Variants in GOLM1 observed in about 807,000 individuals in gnomAD.
GOLM1 encodes the protein epididymis luminal protein 46.
A neutral mutation model predicts 50.5 loss-of-function variants in GOLM1; 31 were observed. The observed-to-expected ratio is 0.61, with a 90% CI of 0.46 to 0.83. The LOEUF (loss-of-function observed/expected upper bound fraction) is 0.83. Ranked by LOEUF, GOLM1 falls within the 40% of genes least tolerant of loss-of-function variation. The probability of loss-of-function intolerance (pLI) is 0.00; values close to 1 mark genes in which losing one functional copy is unlikely to be tolerated. For synonymous variants in GOLM1, 178 were observed against 192.8 expected (o/e 0.92, Z 0.64); for missense variants, 491 against 501.3 (o/e 0.98, Z 0.20).
Position 86,036,503 on chromosome 9 carries a change from T to C in GOLM1, c.602A>G (p.Gln201Arg). The C allele has an allele frequency of 1.2e-6, 2 of 1,613,778 alleles. No homozygotes were observed. The highest frequency in any genetic ancestry group is 2.7e-5 in the African/African-American group (2 of 74,986). ...CCTGGGCTGAGGCTCACTGAGGGCTTGGAGCTGAAACAGAAGCACAGGACA... is the reference window on the plus strand; with the variant it reads ...CCTGGGCTGAGGCTCACTGAGGGCTCGGAGCTGAAACAGAAGCACAGGACA... Reference protein sequence around the residue: ...SENNDQRQQLQALSEPQPRLQ... With the variant: ...SENNDQRQQLRALSEPQPRLQ... The change falls in exon 7 of 10, where the codon CAA (glutamine) becomes CGA (arginine). Residue 201 changes from glutamine (Q) to arginine (R), a missense_variant. Gln to Arg is a conservative substitution (Grantham distance 43). Coordinates refer to ENST00000388712, the MANE Select transcript of GOLM1 (RefSeq NM_016548.4).
chr9:86,073,917 T>C (rs1482805822), intron 3 of GOLM1, among the ~76,000 whole-genome samples: 2 of 152,240 alleles, frequency 1.3e-5, no homozygotes, highest in African/African-American at 4.8e-5. Flanking sequence ...AGACAGGGCC[T>C]ACCCAAAGCA....
intron 3 of GOLM1, among the ~76,000 whole-genome samples, chr9:86,070,567 C>A (rs1335285553): frequency 3.3e-5 from 5 of 149,992 alleles, no homozygotes; most frequent in African/African-American, 1.2e-4. Context: ...CGAGACTCCA[C>A]CTCAAAAAAA....
At chr9:86,095,556 C>T (rs1443877447) in intron 1 of GOLM1, among the ~76,000 whole-genome samples, 1 of 152,104 alleles carries the variant, frequency 6.6e-6, no homozygotes, top group Non-Finnish European at 1.5e-5. Context: ...CCAGTTTTTA[C>T]ATTTTCAATG....
chr9:86,069,966 C>T (rs1273298447), intron 3 of GOLM1, among the ~76,000 whole-genome samples: 2 of 152,072 alleles, frequency 1.3e-5, no homozygotes, highest in Non-Finnish European at 2.9e-5. Flanking sequence ...TCACTGCAAC[C>T]TCCGCCTCCC....
chr9:86,100,071 C>T (rs1040754760), upstream of GOLM1: 1 of 152,264 alleles, frequency 6.6e-6, no homozygotes, highest in Admixed American at 6.5e-5. Context: ...TGACCATCAT[C>T]TCGCCTCGGT....
At chr9:86,065,539 G>A (rs2118803529) in intron 3 of GOLM1, among the ~76,000 whole-genome samples, 1 of 152,248 alleles carries the variant, frequency 6.6e-6, no homozygotes, top group South Asian at 2.1e-4. Flanking sequence ...GAAGACACCA[G>A]AACCCTCTGA....
intron 6 of GOLM1, among the ~76,000 whole-genome samples, chr9:86,038,317 T>C (rs1005117942): frequency 9.9e-5 from 15 of 152,090 alleles, no homozygotes; most frequent in African/African-American, 1.7e-4. Flanking sequence ...CTTCCAGCAG[T>C]GTGGCGGGGA....
intron 3 of GOLM1, among the ~76,000 whole-genome samples, chr9:86,061,909 G>C (rs1587720116): frequency 6.6e-6 from 1 of 152,312 alleles, no homozygotes; most frequent in East Asian, 1.9e-4. Flanking sequence ...CTTCAGGGCA[G>C]GGGACCCAGA....
chr9:86,094,450 A>C (rs562749060), intron 1 of GOLM1, among the ~76,000 whole-genome samples: 65 of 152,372 alleles, frequency 4.3e-4, no homozygotes, highest in African/African-American at 1.4e-3. Context: ...TCACTTCCCC[A>C]AAATGAACAC....
At chr9:86,074,739 C>T (rs1047759806) in intron 3 of GOLM1, among the ~76,000 whole-genome samples, 46 of 152,308 alleles carry the variant, frequency 3.0e-4, no homozygotes, top group African/African-American at 1.0e-3. Context: ...CTCAGCCTCA[C>T]GTCTGGCCAA....
At chr9:86,077,389 A>G in intron 3 of GOLM1, 23 bp downstream of exon 3, 1 of 1,596,428 alleles carries the variant, frequency 6.3e-7, no homozygotes, top group Non-Finnish European at 8.6e-7. Flanking sequence ...AAAAGAACTG[A>G]GAGGAAACAA....
chr9:86,041,428 G>A (rs987879400), intron 5 of GOLM1, among the ~76,000 whole-genome samples: 2 of 152,172 alleles, frequency 1.3e-5, no homozygotes, highest in African/African-American at 4.8e-5. Context: ...GGCCGATGGT[G>A]TAATCAATCA....
rs12343088 is a variant in GOLM1, at chr9:86,035,883, C to A, written c.758-258G>T. On this transcript the variant is annotated intron_variant, in intron 7 of 9. Transcript: ENST00000388712. ...TAGCTTACCAAAAAAAAAAACAAAA[C>A]AAAAAAAAAAAAACACCTGGACTAA... 0.18 allele frequency among the ~76,000 whole-genome samples: 17,710 copies of A among 97,132 alleles called. 2,668 individuals carry two copies. The highest frequency in any genetic ancestry group is 0.43 in the African/African-American group (9,633 of 22,496). The allele number at this position is 97,132 out of a possible 152,430, so 63.7% of individuals were successfully genotyped here. A position where few individuals can be genotyped will look rare whatever the true frequency, so the allele number is the denominator to read the frequency against.
chr9:86,069,906 T>C (rs1410312565), intron 3 of GOLM1, among the ~76,000 whole-genome samples: 1 of 150,590 alleles, frequency 6.6e-6, no homozygotes, highest in African/African-American at 2.5e-5. Context: ...TTTTTTGAGA[T>C]GAAGTCTCAC....
chr9:86,047,263 C>T (rs902986324), intron 4 of GOLM1, among the ~76,000 whole-genome samples: 14 of 152,178 alleles, frequency 9.2e-5, no homozygotes, highest in Admixed American at 4.6e-4. Flanking sequence ...AGCCACCAGG[C>T]GGATACCACA....
At position 86,026,153 on chromosome 9, in the gene GOLM1, A is replaced by G; in HGVS notation, c.*1664T>C. On this transcript the variant is annotated 3_prime_UTR_variant, in exon 10 of 10. Coordinates refer to ENST00000388712, the MANE Select transcript of GOLM1 (RefSeq NM_016548.4). ...GAGCTGTGACAAGTTTTATAAGTTG[A>G]ACAGAACATTTTATTTCTCAGCAAT... The G allele has an allele frequency of 1.0e-6, 1 of 984,538 alleles. No individual in the cohort carries two copies. The highest frequency in any genetic ancestry group is 1.2e-6 in the Non-Finnish European group (1 of 829,132). The allele number at this position is 984,538 out of a possible 1,614,324, so 61.0% of individuals were successfully genotyped here.
Position 86,027,925 on chromosome 9 carries a change from A to G in GOLM1, c.1130-32T>C, listed in dbSNP as rs1225621417. 3 of 1,336,600 alleles carry G rather than the reference A, an allele frequency of 2.2e-6. No homozygotes were observed. In the Admixed American group the frequency reaches 5.1e-5, roughly 23 times the overall value. The allele number at this position is 1,336,600 out of a possible 1,614,324, so 82.8% of individuals were successfully genotyped here. On this transcript the variant is annotated intron_variant, in intron 9 of 9. Transcript: ENST00000388712. ...AGGAAAAACACATAATATTCTATAGAGTATTAAATGAGATACTAGCCCTAG... is the reference window on the plus strand; with the variant it reads ...AGGAAAAACACATAATATTCTATAGGGTATTAAATGAGATACTAGCCCTAG...
chr9:86,052,248 T>C (rs1247678153), intron 4 of GOLM1, among the ~76,000 whole-genome samples: 1 of 152,208 alleles, frequency 6.6e-6, no homozygotes, highest in Non-Finnish European at 1.5e-5. Flanking sequence ...TATGTATATA[T>C]AACAGAACAT....
At chr9:86,081,970 T>C (rs560490342) in intron 1 of GOLM1, among the ~76,000 whole-genome samples, 21 of 150,398 alleles carry the variant, frequency 1.4e-4, no homozygotes, top group African/African-American at 5.1e-4. Context: ...AACATCTGGG[T>C]CCTTCTGTTC....
Sources: gnomAD v4.1 joint callset for allele counts (sites outside exome capture counted in the v4.1 genomes callset) on GRCh38, gnomAD v4.1.1 for gene constraint, MANE v1.5 for transcripts, NCBI Gene and HGNC (gene_info 2026-07-23, HGNC 2026-07-21) for gene names.